Variants in DCDC1 observed in about 807,000 individuals in gnomAD.
The protein encoded by DCDC1 is doublecortin domain-containing protein 1.
In DCDC1, 200 loss-of-function variants were observed where a neutral mutation model predicts 178.3. The ratio of observed to expected loss-of-function variants is 1.12; its 90% CI spans 1.00 to 1.26. The LOEUF is 1.26. DCDC1 is among the 50% of genes most tolerant of loss of function. The probability of loss-of-function intolerance (pLI) is 0.00; values close to 1 mark genes in which losing one functional copy is unlikely to be tolerated. For synonymous variants in DCDC1, 690 were observed against 604.8 expected, an observed-to-expected ratio of 1.14 and a Z score of -2.07; for missense variants, 1,983 against 1,749.2, an observed-to-expected ratio of 1.13 and a Z score of -2.38.
At chr11:31,109,707 A>T (rs566331636) in intron 12 of DCDC1, among the ~76,000 whole-genome samples, 28 of 152,188 alleles carry the variant, frequency 1.8e-4, no homozygotes, top group Non-Finnish European at 3.7e-4. Flanking sequence ...CAATTTGTAA[A>T]CAACAGGCTG....
chr11:30,948,297 G>A (rs1948187776), intron 21 of DCDC1, among the ~76,000 whole-genome samples: 1 of 152,070 alleles, frequency 6.6e-6, no homozygotes, highest in African/African-American at 2.4e-5. Context: ...CAACTTACAA[G>A]GGATGTGAAG....
At chr11:31,065,905 GTGTGTGTC>G in intron 18 of DCDC1, among the ~76,000 whole-genome samples, 2 of 152,096 alleles carry the variant, frequency 1.3e-5, no homozygotes, top group Admixed American at 6.6e-5. Flanking sequence ...CACGGAACAA[GTGTGTGTC>G]ATTGTCCCAC....
At chr11:31,108,664 C>A (rs1322783885) in intron 12 of DCDC1, among the ~76,000 whole-genome samples, 1 of 152,192 alleles carries the variant, frequency 6.6e-6, no homozygotes, top group Non-Finnish European at 1.5e-5. Context: ...ACCAAATTCA[C>A]TTTCACAGGA....
At chr11:31,177,229 C>T (rs964508884) in intron 9 of DCDC1, among the ~76,000 whole-genome samples, 4 of 151,608 alleles carry the variant, frequency 2.6e-5, no homozygotes, top group Admixed American at 6.6e-5. Flanking sequence ...TTAAACAATC[C>T]GTTATTAACT....
chr11:31,241,482 G>T lies in DCDC1; in HGVS notation c.1189C>A (p.Arg397=), dbSNP rs535702939. The T allele has an allele frequency of 2.5e-6, 1 of 397,140 alleles. No homozygotes were observed. 24.6% of individuals were successfully genotyped at this position (397,140 alleles called of 1,614,324 possible). A position where few individuals can be genotyped will look rare whatever the true frequency, so the allele number is the denominator to read the frequency against. Residue 397 remains arginine, a synonymous_variant, in exon 9 of 39, where the codon CGA becomes AGA. Transcript: ENST00000684477. ...IQGVLLALYQ[R]LKSAKKYYKQ... is the part of the protein sequence containing the mutation. ...TAATATTTTTTTGCAGACTTTAATCGTTGGTACAGGGCCAAAAGAACTCCT... is the reference window on the plus strand; with the variant it reads ...TAATATTTTTTTGCAGACTTTAATCTTTGGTACAGGGCCAAAAGAACTCCT...
At chr11:31,007,007 T>C (rs1951883713) in intron 20 of DCDC1, among the ~76,000 whole-genome samples, 1 of 152,220 alleles carries the variant, frequency 6.6e-6, no homozygotes, top group Admixed American at 6.5e-5. Context: ...TCTCTGTTCA[T>C]TATTCTTCAT....
chr11:31,357,258 C>T (rs900963900), intron 1 of DCDC1, among the ~76,000 whole-genome samples: 38 of 151,752 alleles, frequency 2.5e-4, no homozygotes, highest in African/African-American at 9.0e-4. Flanking sequence ...TGGGCTTCAT[C>T]CCTGGGATGC....
intron 9 of DCDC1, among the ~76,000 whole-genome samples, chr11:31,145,698 C>G (rs1964364721): frequency 6.6e-6 from 1 of 152,204 alleles, no homozygotes; most frequent in Admixed American, 6.5e-5. Context: ...AGAAAGAATA[C>G]AGAGACAGCC....
intron 9 of DCDC1, among the ~76,000 whole-genome samples, chr11:31,227,979 C>T (rs936689051): frequency 6.6e-6 from 1 of 151,812 alleles, no homozygotes; most frequent in African/African-American, 2.4e-5. Flanking sequence ...ATAATACAAA[C>T]CCAATAACAG....
At chr11:30,934,170 T>C (rs953697412) in intron 21 of DCDC1, among the ~76,000 whole-genome samples, 4 of 152,080 alleles carry the variant, frequency 2.6e-5, no homozygotes, top group African/African-American at 9.7e-5. Context: ...ACCAGAAGAG[T>C]GCTGACTCAA....
intron 20 of DCDC1, among the ~76,000 whole-genome samples, chr11:30,989,839 T>A (rs748201246): frequency 6.6e-6 from 1 of 152,126 alleles, no homozygotes; most frequent in Non-Finnish European, 1.5e-5. Flanking sequence ...GTTGTTCTTG[T>A]AAAAAGTTGA....
chr11:31,342,739 G>A (rs1445604884), intron 1 of DCDC1, among the ~76,000 whole-genome samples: 2 of 152,096 alleles, frequency 1.3e-5, no homozygotes, highest in Non-Finnish European at 2.9e-5. Context: ...AAAAGTATAT[G>A]ATTAAAGAGT....
At chr11:31,047,191 T>C (rs1954896140) in intron 20 of DCDC1, among the ~76,000 whole-genome samples, 1 of 152,108 alleles carries the variant, frequency 6.6e-6, no homozygotes, top group South Asian at 2.1e-4. Flanking sequence ...CAAAAAAAAA[T>C]TGGAAACCTC....
At chr11:30,913,471 G>C (rs980234440) in intron 27 of DCDC1, among the ~76,000 whole-genome samples, 1 of 152,088 alleles carries the variant, frequency 6.6e-6, no homozygotes, top group East Asian at 1.9e-4. Flanking sequence ...AGGGGGACTT[G>C]TGCTTATCAG....
At chr11:31,268,638 G>C (rs1324583187) in intron 7 of DCDC1, among the ~76,000 whole-genome samples, 1 of 152,174 alleles carries the variant, frequency 6.6e-6, no homozygotes, top group Non-Finnish European at 1.5e-5. Context: ...TGGGCACCTA[G>C]CTTGATTCCA....
intron 11 of DCDC1, among the ~76,000 whole-genome samples, chr11:31,112,543 TG>T (rs1959196669): frequency 6.6e-6 from 1 of 151,894 alleles, no homozygotes; most frequent in Admixed American, 6.6e-5. Flanking sequence ...ACCCTTGGAG[TG>T]GGATGATGCA....
At chr11:31,344,095 T>C (rs1247870826) in intron 1 of DCDC1, among the ~76,000 whole-genome samples, 1 of 152,156 alleles carries the variant, frequency 6.6e-6, no homozygotes, top group Non-Finnish European at 1.5e-5. Flanking sequence ...ACAGGCTAAG[T>C]AGAATATGCA....
chr11:31,176,543 A>C (rs955877446), intron 9 of DCDC1, among the ~76,000 whole-genome samples: 1 of 152,188 alleles, frequency 6.6e-6, no homozygotes, highest in African/African-American at 2.4e-5. Flanking sequence ...AGATTCAGGA[A>C]GCCCAAAGGT....
intron 20 of DCDC1, among the ~76,000 whole-genome samples, chr11:31,004,299 T>C (rs1951723734): frequency 6.6e-6 from 1 of 152,060 alleles, no homozygotes; most frequent in Non-Finnish European, 1.5e-5. Context: ...TATAGGACAG[T>C]AAATTTATCT....
Sources: gnomAD v4.1 joint callset for allele counts (sites outside exome capture counted in the v4.1 genomes callset) on GRCh38, gnomAD v4.1.1 for gene constraint, MANE v1.5 for transcripts, NCBI Gene and HGNC (gene_info 2026-07-23, HGNC 2026-07-21) for gene names.